Variants in THADA observed in about 807,000 individuals in gnomAD.
THADA encodes the protein THADA armadillo repeat containing, also known as tRNA (32-2'-O)-methyltransferase regulator THADA.
In THADA, 213 loss-of-function variants were observed where a neutral mutation model predicts 219.8. The ratio of observed to expected loss-of-function variants is 0.97; its 90% CI spans 0.87 to 1.09. The LOEUF (loss-of-function observed/expected upper bound fraction) is 1.09. Ranked by LOEUF, THADA falls within the 50% of genes least tolerant of loss-of-function variation. The pLI, the probability that THADA is intolerant of heterozygous loss-of-function variation, is 0.00. For missense variants in THADA, 2,956 were observed against 2,311.3 expected, an observed-to-expected ratio of 1.28 and a Z score of -5.72; for synonymous variants, 1,018 against 828.9, an observed-to-expected ratio of 1.23 and a Z score of -3.92.
intron 36 of THADA, among the ~76,000 whole-genome samples, chr2:43,233,576 G>A (rs1667690237): frequency 6.6e-6 from 1 of 152,092 alleles, no homozygotes; most frequent in Admixed American, 6.5e-5. Context: ...CTCCTATTTT[G>A]CTGCCCTCTG....
At chr2:43,426,976 A>C (rs1678522355) in intron 28 of THADA, among the ~76,000 whole-genome samples, 1 of 152,242 alleles carries the variant, frequency 6.6e-6, no homozygotes, top group Non-Finnish European at 1.5e-5. Flanking sequence ...CAAAATGAAC[A>C]AAGTAATCAG....
chr2:43,548,607 C>G (rs954205958), intron 20 of THADA, among the ~76,000 whole-genome samples: 8 of 152,184 alleles, frequency 5.3e-5, no homozygotes, highest in African/African-American at 1.9e-4. Flanking sequence ...TGCTGCCTTG[C>G]AGTTTGATCT....
intron 20 of THADA, 40 bp from the exon 21 acceptor site, chr2:43,541,356 C>T (rs759676234): frequency 1.7e-5 from 27 of 1,604,218 alleles, no homozygotes; most frequent in Non-Finnish European, 2.2e-5. Context: ...ACCTTGATTA[C>T]TCATATCCCA....
intron 28 of THADA, among the ~76,000 whole-genome samples, chr2:43,401,360 G>A (rs1003886712): frequency 3.3e-5 from 5 of 151,620 alleles, no homozygotes; most frequent in African/African-American, 1.2e-4. Flanking sequence ...CTCACTGCAA[G>A]CTCTGCCTCT....
rs527976686 is a variant in THADA at position 43,548,908 on chromosome 2, G to A, written c.3106+302C>T. 2.6e-5 allele frequency among the ~76,000 whole-genome samples: 4 copies of A among 152,304 alleles called. No homozygotes were observed. The East Asian group carries it at 7.7e-4, about 29-fold the overall frequency. ...CGCCCACTGTCTGGCACTCCCTAGT[G>A]AGATGAACCCGGTACCTCAGATGGA... On this transcript the variant is annotated intron_variant, in intron 20 of 37. Coordinates refer to ENST00000405975, the MANE Select transcript of THADA (RefSeq NM_022065.5).
chr2:43,476,680 T>C (rs1685588840), intron 26 of THADA, among the ~76,000 whole-genome samples: 1 of 152,176 alleles, frequency 6.6e-6, no homozygotes, highest in African/African-American at 2.4e-5. Flanking sequence ...ATTTCAAAGC[T>C]GGTTACTATG....
chr2:43,376,000 C>T (rs1671337589), intron 29 of THADA, among the ~76,000 whole-genome samples: 1 of 152,274 alleles, frequency 6.6e-6, no homozygotes, highest in Admixed American at 6.5e-5. Flanking sequence ...CTAAAAGGGG[C>T]CCCTGAAGCC....
At chr2:43,277,500 G>A (rs990944325) in intron 36 of THADA, among the ~76,000 whole-genome samples, 5 of 152,158 alleles carry the variant, frequency 3.3e-5, no homozygotes, top group African/African-American at 1.2e-4. Context: ...TTTCCAGAGA[G>A]ACCCCACAGA....
At chr2:43,460,314 G>A (rs995019938) in intron 26 of THADA, among the ~76,000 whole-genome samples, 1 of 150,086 alleles carries the variant, frequency 6.7e-6, no homozygotes, top group Non-Finnish European at 1.5e-5. Flanking sequence ...TTCCACATGG[G>A]TCAGCCAGTC....
intron 33 of THADA, 92 bp from the exon 34 acceptor site, chr2:43,291,860 G>A (rs1361881814): frequency 2.6e-6 from 3 of 1,157,820 alleles, no homozygotes; most frequent in African/African-American, 1.6e-5. Context: ...AATCCATGCA[G>A]AGGTGAATAC....
At chr2:43,458,924 T>A (rs1683319239) in intron 26 of THADA, among the ~76,000 whole-genome samples, 1 of 152,196 alleles carries the variant, frequency 6.6e-6, no homozygotes, top group Non-Finnish European at 1.5e-5. Context: ...GGTTGATAAC[T>A]GTATTATGTT....
At chr2:43,574,135 T>G (rs1446937102) in intron 11 of THADA, among the ~76,000 whole-genome samples, 1 of 152,198 alleles carries the variant, frequency 6.6e-6, no homozygotes, top group Non-Finnish European at 1.5e-5. Flanking sequence ...TTCTTTAGCT[T>G]GTAGAAATGA....
At chr2:43,430,044 T>C (rs1679031162) in intron 27 of THADA, among the ~76,000 whole-genome samples, 169 bp downstream of exon 27, 1 of 151,904 alleles carries the variant, frequency 6.6e-6, no homozygotes, top group Non-Finnish European at 1.5e-5. Context: ...TGGCCACCAC[T>C]GTACTCCAGC....
chr2:43,445,751 G>A (rs989842188), intron 26 of THADA, among the ~76,000 whole-genome samples: 3 of 152,216 alleles, frequency 2.0e-5, no homozygotes, highest in Non-Finnish European at 4.4e-5. Flanking sequence ...AGAGCTCACT[G>A]CAGCCTCAAA....
At chr2:43,407,612 T>C (rs900647281) in intron 28 of THADA, among the ~76,000 whole-genome samples, 2 of 152,168 alleles carry the variant, frequency 1.3e-5, no homozygotes, top group African/African-American at 4.8e-5. Flanking sequence ...ATGCTCAACA[T>C]ACACCAATTC....
intron 25 of THADA, among the ~76,000 whole-genome samples, chr2:43,495,709 C>T (rs1265922358): frequency 1.3e-5 from 2 of 152,124 alleles, no homozygotes; most frequent in East Asian, 1.9e-4. Context: ...TCAGAAAGTC[C>T]TTTCACGGAA....
intron 16 of THADA, among the ~76,000 whole-genome samples, chr2:43,557,934 T>C (rs530282927): frequency 6.6e-6 from 1 of 152,366 alleles, no homozygotes; most frequent in Admixed American, 6.5e-5. Context: ...ATAAGTTTAT[T>C]TTCTATGACC....
chr2:43,540,294 G>A (rs546955178), intron 21 of THADA, among the ~76,000 whole-genome samples: 2 of 152,292 alleles, frequency 1.3e-5, no homozygotes, highest in African/African-American at 4.8e-5. Flanking sequence ...TCAAGGCCTT[G>A]CAACATCACA....
intron 29 of THADA, among the ~76,000 whole-genome samples, chr2:43,378,577 A>G (rs555087036): frequency 7.9e-5 from 12 of 152,326 alleles, no homozygotes; most frequent in Admixed American, 6.5e-4. Context: ...TCTTATTATA[A>G]TAACAGATGT....
Sources: allele counts gnomAD v4.1 joint callset (sites outside exome capture counted in the v4.1 genomes callset), GRCh38; gene constraint gnomAD v4.1.1; transcripts MANE v1.5; gene names NCBI Gene and HGNC (gene_info 2026-07-23, HGNC 2026-07-21).